Variants in NEK11 observed in about 807,000 individuals in gnomAD.
NEK11 encodes serine/threonine-protein kinase Nek11.
NEK11 carries 72 observed loss-of-function variants against 80.7 expected under a neutral mutation model. That is an observed-to-expected ratio of 0.89 (90% CI 0.74 to 1.08). The LOEUF is 1.08. NEK11 is among the 50% of genes least tolerant of loss of function. The pLI, the probability that NEK11 is intolerant of heterozygous loss-of-function variation, is 0.00. For missense variants in NEK11, 764 were observed against 763.6 expected, an observed-to-expected ratio of 1.00 and a Z score of -0.01; for synonymous variants, 251 against 260.7, an observed-to-expected ratio of 0.96 and a Z score of 0.36.
At chr3:131,057,913 T>C (rs2069923074) in intron 3 of NEK11, among the ~76,000 whole-genome samples, 1 of 152,226 alleles carries the variant, frequency 6.6e-6, no homozygotes, top group Admixed American at 6.5e-5. Context: ...TTTGTCAATT[T>C]TGGCTTTTGT....
At chr3:131,276,303 C>T (rs1467189504) in intron 17 of NEK11, among the ~76,000 whole-genome samples, 1 of 152,122 alleles carries the variant, frequency 6.6e-6, no homozygotes. Context: ...AGACCAACAC[C>T]TGTAGAAAGG....
chr3:131,312,244 C>T (rs1183706254), intron 17 of NEK11, among the ~76,000 whole-genome samples: 2 of 152,162 alleles, frequency 1.3e-5, no homozygotes, highest in Non-Finnish European at 1.5e-5. Context: ...GGTTGCTTTA[C>T]CTCTTCAAGG....
intron 3 of NEK11, among the ~76,000 whole-genome samples, chr3:131,061,718 A>G (rs935295788): frequency 1.3e-5 from 2 of 152,196 alleles, no homozygotes; most frequent in Non-Finnish European, 2.9e-5. Flanking sequence ...GACTTAGCAT[A>G]TTGACCGGAG....
chr3:131,344,017 C>T lies in NEK11; in HGVS notation c.1719-5540C>T, dbSNP rs181114209. ...CATAGCCTGCTTGAATTTCTCTCCC[C>T]CAAAAAAGCTTTTTCTTTCTTTGTC... On this transcript the variant is annotated intron_variant, in intron 17 of 17. Transcript: ENST00000383366. Among the ~76,000 whole-genome samples, 135 of 152,284 alleles carry T rather than the reference C, an allele frequency of 8.9e-4. 1 individual carries two copies. The highest frequency in any genetic ancestry group is 1.3e-3 in the Non-Finnish European group (86 of 68,014).
At chr3:131,231,114 G>A (rs531002211) in intron 15 of NEK11, among the ~76,000 whole-genome samples, 8 of 152,096 alleles carry the variant, frequency 5.3e-5, no homozygotes, top group African/African-American at 1.9e-4. Context: ...TTAGCAGTGT[G>A]AGAACAGACT....
intron 17 of NEK11, among the ~76,000 whole-genome samples, chr3:131,306,617 A>G (rs943452396): frequency 6.6e-6 from 1 of 152,218 alleles, no homozygotes; most frequent in Non-Finnish European, 1.5e-5. Flanking sequence ...GGCTCTGATT[A>G]GTAGATTAGG....
chr3:131,218,091 C>T (rs1281816756), intron 14 of NEK11, among the ~76,000 whole-genome samples: 1 of 152,134 alleles, frequency 6.6e-6, no homozygotes, highest in Non-Finnish European at 1.5e-5. Flanking sequence ...TTGCTGGCAC[C>T]TGACTATTTT....
Position 131,315,467 on chromosome 3 carries a change from CTGTGTGTG to C in NEK11, c.1719-34068_1719-34061del, listed in dbSNP as rs111470166. On this transcript the variant is annotated intron_variant, in intron 17 of 17. Transcript: ENST00000383366. ...CTCTTTTTAAAGCTGAATAATATTC[CTGTGTGTG>C]TGTGTGTGTGTGTGTGTGTGTATTC... Among the ~76,000 whole-genome samples, 3 of 137,542 alleles carry C rather than the reference CTGTGTGTG, an allele frequency of 2.2e-5. No individual in the cohort carries two copies. In the South Asian group the frequency reaches 7.1e-4, roughly 33 times the overall value. 90.2% of individuals were successfully genotyped at this position (137,542 alleles called of 152,430 possible). A position where few individuals can be genotyped will look rare whatever the true frequency, so the allele number is the denominator to read the frequency against.
At chr3:131,197,448 C>T (rs1850129) in intron 14 of NEK11, among the ~76,000 whole-genome samples, 65,492 of 151,970 alleles carry the variant, frequency 0.43, 16,706 homozygotes, top group Middle Eastern at 0.66. Context: ...AGCTTCAATT[C>T]TGGAAGAGAC....
chr3:131,105,686 G>T (rs569497846), intron 4 of NEK11, among the ~76,000 whole-genome samples: 1 of 152,276 alleles, frequency 6.6e-6, no homozygotes, highest in South Asian at 2.1e-4. Context: ...TCACTGTCAT[G>T]AGAACAGCAT....
intron 17 of NEK11, among the ~76,000 whole-genome samples, chr3:131,304,745 G>A (rs927831635): frequency 6.6e-6 from 1 of 152,124 alleles, no homozygotes; most frequent in Non-Finnish European, 1.5e-5. Context: ...CTGCACTAGG[G>A]GGGTGTTGAG....
At chr3:131,121,952 G>T (rs192356585) in intron 5 of NEK11, among the ~76,000 whole-genome samples, 1 of 152,170 alleles carries the variant, frequency 6.6e-6, no homozygotes, top group Non-Finnish European at 1.5e-5. Context: ...GTGATGCCCC[G>T]CCCTGCTTCA....
chr3:131,102,578 A>G (rs1560411743), intron 4 of NEK11, among the ~76,000 whole-genome samples: 1 of 152,152 alleles, frequency 6.6e-6, no homozygotes, highest in Non-Finnish European at 1.5e-5. Flanking sequence ...TCTGTGCATG[A>G]ATTGACTTTT....
At chr3:131,136,191 C>T (rs2085535113) in intron 7 of NEK11, among the ~76,000 whole-genome samples, 1 of 152,142 alleles carries the variant, frequency 6.6e-6, no homozygotes. Flanking sequence ...TCATCATCAT[C>T]CTGACCCTAA....
chr3:131,232,392 A>G (rs974650561), intron 15 of NEK11, among the ~76,000 whole-genome samples: 1 of 152,218 alleles, frequency 6.6e-6, no homozygotes, highest in African/African-American at 2.4e-5. Flanking sequence ...AAGACTAATA[A>G]ATGGCTCAGA....
At chr3:131,062,146 A>G (rs901797898) in intron 3 of NEK11, among the ~76,000 whole-genome samples, 1 of 152,236 alleles carries the variant, frequency 6.6e-6, no homozygotes, top group Non-Finnish European at 1.5e-5. Flanking sequence ...GTTAGGCAAC[A>G]ACATTCCCTA....
chr3:131,230,674 A>T (rs1314488892), intron 15 of NEK11, among the ~76,000 whole-genome samples: 1 of 152,126 alleles, frequency 6.6e-6, no homozygotes, highest in African/African-American at 2.4e-5. Flanking sequence ...ACATAAGGGC[A>T]GCAGTTTTGT....
intron 3 of NEK11, among the ~76,000 whole-genome samples, chr3:131,044,615 C>T (rs971464382): frequency 7.2e-5 from 11 of 151,968 alleles, no homozygotes; most frequent in African/African-American, 2.7e-4. Flanking sequence ...CACCCAGATT[C>T]ATAAAGCAAG....
chr3:131,076,413 T>C (rs1455600313), intron 3 of NEK11, among the ~76,000 whole-genome samples: 1 of 152,220 alleles, frequency 6.6e-6, no homozygotes, highest in Non-Finnish European at 1.5e-5. Flanking sequence ...TTTTTAAATT[T>C]TTCTATAATG....
Sources: allele counts gnomAD v4.1 joint callset (sites outside exome capture counted in the v4.1 genomes callset), GRCh38; gene constraint gnomAD v4.1.1; transcripts MANE v1.5; gene names NCBI Gene and HGNC (gene_info 2026-07-23, HGNC 2026-07-21).